The following PTPRT variants were observed in gnomAD, a reference collection of about 807,000 sequenced individuals.
PTPRT encodes the protein protein tyrosine phosphatase receptor type T.
PTPRT carries 56 observed loss-of-function variants against 176.8 expected under a neutral mutation model. The observed-to-expected ratio is 0.32, with a 90% CI of 0.26 to 0.40. The LOEUF (loss-of-function observed/expected upper bound fraction) is 0.40. PTPRT is among the 10% of genes least tolerant of loss of function. The probability of loss-of-function intolerance (pLI) is 1.00; values close to 1 mark genes in which losing one functional copy is unlikely to be tolerated. For synonymous variants in PTPRT, 783 were observed against 739.0 expected, an observed-to-expected ratio of 1.06 and a Z score of -0.96; for missense variants, 1,540 against 1,908.2, an observed-to-expected ratio of 0.81 and a Z score of 3.60.
At chr20:43,140,247 G>C (rs1171884848) in intron 1 of PTPRT, among the ~76,000 whole-genome samples, 1 of 152,034 alleles carries the variant, frequency 6.6e-6, no homozygotes, top group Non-Finnish European at 1.5e-5. Flanking sequence ...TTAGAGAACT[G>C]GTGCTTTCTC....
chr20:42,252,051 G>C (rs2146929203), intron 13 of PTPRT, among the ~76,000 whole-genome samples: 1 of 152,282 alleles, frequency 6.6e-6, no homozygotes, highest in African/African-American at 2.4e-5. Context: ...GTGAAGATAG[G>C]CAGATGTGAT....
intron 1 of PTPRT, among the ~76,000 whole-genome samples, chr20:43,104,876 A>G (rs1375950870): frequency 1.3e-5 from 2 of 152,230 alleles, no homozygotes; most frequent in Admixed American, 6.5e-5. Context: ...GATGCCCAAC[A>G]AAGAGTGTGG....
intron 8 of PTPRT, among the ~76,000 whole-genome samples, chr20:42,459,699 T>G (rs1429599849): frequency 1.3e-5 from 2 of 152,156 alleles, no homozygotes; most frequent in African/African-American, 4.8e-5. Flanking sequence ...GGTTCTCTTT[T>G]TCTTTTTTTG....
At position 42,344,063 on chromosome 20, in the gene PTPRT, C is replaced by T. The variant is rs140603770; in HGVS notation, c.1865+6565G>A. Among the ~76,000 whole-genome samples, 33 of 152,294 alleles carry T rather than the reference C, an allele frequency of 2.2e-4. 1 individual carries two copies. Among genetic ancestry groups the T allele is most frequent in the African/African-American group, 6.3e-4 (26 of 41,564 alleles). On this transcript the variant is annotated intron_variant, in intron 11 of 30. Transcript: ENST00000373187. Reference sequence around the variant, plus strand: ...TACAGGTACCTGCCACCACACCCAACGCATTTTTGTATTTTTCATAGAGAT... The same window carrying T: ...TACAGGTACCTGCCACCACACCCAATGCATTTTTGTATTTTTCATAGAGAT...
chr20:42,907,860 A>C (rs1384059843), intron 1 of PTPRT, among the ~76,000 whole-genome samples: 1 of 150,864 alleles, frequency 6.6e-6, no homozygotes, highest in Non-Finnish European at 1.5e-5. Context: ...AAATGGCAAA[A>C]TGATTTTCCA....
chr20:42,168,738 T>C (rs1351457396), intron 16 of PTPRT, among the ~76,000 whole-genome samples: 1 of 152,230 alleles, frequency 6.6e-6, no homozygotes, highest in African/African-American at 2.4e-5. Flanking sequence ...AAGCATAAGA[T>C]GAAGCAGTTG....
intron 15 of PTPRT, among the ~76,000 whole-genome samples, chr20:42,224,317 T>C (rs2055954599): frequency 6.6e-6 from 1 of 152,184 alleles, no homozygotes; most frequent in South Asian, 2.1e-4. Context: ...ATTTCAAACG[T>C]ATGTGCTCAG....
chr20:42,972,676 C>CAAAAAAAA (rs33947245), intron 1 of PTPRT, among the ~76,000 whole-genome samples: 133 of 77,512 alleles, frequency 1.7e-3, no homozygotes, highest in Non-Finnish European at 2.0e-3. Flanking sequence ...TCTCAAAAAG[C>CAAAAAAAA]AAAAAAAAAA....
chr20:42,402,837 CAT>C (rs953353095), intron 9 of PTPRT, among the ~76,000 whole-genome samples: 1 of 151,670 alleles, frequency 6.6e-6, no homozygotes, highest in Non-Finnish European at 1.5e-5. Context: ...TGTGTATGTG[CAT>C]GTGTGTGTGT....
intron 2 of PTPRT, among the ~76,000 whole-genome samples, chr20:42,804,056 A>C (rs1231363900): frequency 6.6e-6 from 1 of 152,150 alleles, no homozygotes; most frequent in East Asian, 1.9e-4. Context: ...CAGAAATGAC[A>C]CAGAAGGCAT....
intron 2 of PTPRT, among the ~76,000 whole-genome samples, chr20:42,882,882 C>T (rs975132211): frequency 5.9e-5 from 9 of 152,300 alleles, no homozygotes; most frequent in Non-Finnish European, 4.4e-5. Flanking sequence ...ATGAAGAGGA[C>T]GCACAAGACA....
In PTPRT at chr20:42,702,841, T is replaced by C. The variant is rs532258687; in HGVS notation, c.860-24682A>G. On this transcript the variant is annotated intron_variant, in intron 6 of 30. Transcript: ENST00000373187. ...AGGCTCTACCTAACACAGTTTATACTTCCCTGAGCATCCCTGAGGAGAACA... is the reference window on the plus strand; with the variant it reads ...AGGCTCTACCTAACACAGTTTATACCTCCCTGAGCATCCCTGAGGAGAACA... Among the ~76,000 whole-genome samples the C allele has an allele frequency of 4.7e-4, 71 of 152,342 alleles. 1 individual carries two copies. Among genetic ancestry groups the C allele is most frequent in the African/African-American group, 1.6e-3 (66 of 41,582 alleles).
intron 7 of PTPRT, among the ~76,000 whole-genome samples, chr20:42,634,012 ATATAT>A (rs2074509931): frequency 1.0e-4 from 3 of 28,802 alleles, no homozygotes; most frequent in Non-Finnish European, 1.7e-4. Context: ...TATATATATA[ATATAT>A]ATATAATATA....
chr20:42,598,513 G>A (rs1054371704), intron 7 of PTPRT, among the ~76,000 whole-genome samples: 1 of 152,170 alleles, frequency 6.6e-6, no homozygotes, highest in Non-Finnish European at 1.5e-5. Context: ...AAGAAAACTT[G>A]TTAGGGAAGA....
intron 1 of PTPRT, among the ~76,000 whole-genome samples, chr20:43,037,378 T>C (rs1222230649): frequency 6.6e-6 from 1 of 152,234 alleles, no homozygotes; most frequent in African/African-American, 2.4e-5. Flanking sequence ...CAAATTTGCC[T>C]TCAAAAACTG....
At chr20:42,561,596 C>T (rs1179387056) in intron 7 of PTPRT, among the ~76,000 whole-genome samples, 1 of 152,132 alleles carries the variant, frequency 6.6e-6, no homozygotes, top group Non-Finnish European at 1.5e-5. Flanking sequence ...GTGTGTACTG[C>T]TGTTTGGTTC....
chr20:43,163,407 G>T (rs1287861309), intron 1 of PTPRT, among the ~76,000 whole-genome samples: 1 of 152,128 alleles, frequency 6.6e-6, no homozygotes, highest in Non-Finnish European at 1.5e-5. Flanking sequence ...GGGAGGCCGA[G>T]GGGGGCAAAT....
intron 1 of PTPRT, among the ~76,000 whole-genome samples, chr20:43,004,852 G>A (rs555873642): frequency 2.6e-5 from 4 of 152,220 alleles, no homozygotes; most frequent in Non-Finnish European, 5.9e-5. Context: ...CAGATCCAAG[G>A]CTAAGATATG....
chr20:42,111,035 A>AGAT (rs1986962468), intron 22 of PTPRT, among the ~76,000 whole-genome samples: 1 of 152,224 alleles, frequency 6.6e-6, no homozygotes, highest in South Asian at 2.1e-4. Flanking sequence ...TGATTACATA[A>AGAT]GATGCGAAAC....
Sources: allele counts gnomAD v4.1 joint callset (sites outside exome capture counted in the v4.1 genomes callset), GRCh38; gene constraint gnomAD v4.1.1; transcripts MANE v1.5; gene names NCBI Gene and HGNC (gene_info 2026-07-23, HGNC 2026-07-21).